The following SYNPR variants were observed in gnomAD, a reference collection of about 807,000 sequenced individuals.
SYNPR encodes synaptoporin.
A neutral mutation model predicts 32.9 loss-of-function variants in SYNPR; 23 were observed. That is an observed-to-expected ratio of 0.70 (90% confidence interval 0.50 to 0.99). The LOEUF (loss-of-function observed/expected upper bound fraction) is 0.99. Among genes scored for constraint, SYNPR ranks in the 50% least tolerant of loss-of-function variants. The probability of loss-of-function intolerance (pLI) is 0.00; values close to 1 mark genes in which losing one functional copy is unlikely to be tolerated. For synonymous variants in SYNPR, 146 were observed against 135.9 expected (o/e 1.07, Z -0.52); for missense variants, 318 against 349.3 (o/e 0.91, Z 0.71).
intron 2 of SYNPR, among the ~76,000 whole-genome samples, chr3:63,324,869 A>G (rs934253029): frequency 6.6e-6 from 1 of 152,072 alleles, no homozygotes; most frequent in Non-Finnish European, 1.5e-5. Flanking sequence ...ACTGTTCTAC[A>G]CGGACCTCAG....
At chr3:63,393,361 C>A (rs905160647) in intron 2 of SYNPR, among the ~76,000 whole-genome samples, 1 of 152,242 alleles carries the variant, frequency 6.6e-6, no homozygotes, top group African/African-American at 2.4e-5. Context: ...CATAGGTCTC[C>A]AAAGTAGCTG....
intron 2 of SYNPR, among the ~76,000 whole-genome samples, chr3:63,313,002 T>C (rs189935629): frequency 8.8e-4 from 134 of 152,144 alleles, no homozygotes; most frequent in East Asian, 6.4e-3. Context: ...ACAGAAACTA[T>C]TGGATTCTAG....
chr3:63,611,094 T>A (rs1460147888), intron 5 of SYNPR, among the ~76,000 whole-genome samples: 1 of 152,210 alleles, frequency 6.6e-6, no homozygotes, highest in Non-Finnish European at 1.5e-5. Flanking sequence ...CCACTTCTGG[T>A]ACCAATGTTT....
chr3:63,560,874 A>G (rs1156657592), intron 4 of SYNPR, among the ~76,000 whole-genome samples: 3 of 152,196 alleles, frequency 2.0e-5, no homozygotes, highest in Non-Finnish European at 4.4e-5. Flanking sequence ...ATTACAATTC[A>G]AGATGAGATT....
chr3:63,253,640 T>G (rs1313437356), intron 2 of SYNPR, among the ~76,000 whole-genome samples: 1 of 152,152 alleles, frequency 6.6e-6, no homozygotes, highest in African/African-American at 2.4e-5. Flanking sequence ...CCAGTTAGAA[T>G]GGCGATCATT....
At chr3:63,441,200 T>A (rs1376994443) in intron 2 of SYNPR, among the ~76,000 whole-genome samples, 1 of 152,204 alleles carries the variant, frequency 6.6e-6, no homozygotes, top group East Asian at 1.9e-4. Context: ...CGTAGTTTTG[T>A]AAGGCTCAAA....
At chr3:63,374,067 T>A (rs1368421603) in intron 2 of SYNPR, among the ~76,000 whole-genome samples, 1 of 152,236 alleles carries the variant, frequency 6.6e-6, no homozygotes, top group Non-Finnish European at 1.5e-5. Context: ...ACCTTACAAG[T>A]TTCCAAAGTA....
At chr3:63,251,884 C>T (rs976164288) in intron 1 of SYNPR, among the ~76,000 whole-genome samples, 4 of 151,862 alleles carry the variant, frequency 2.6e-5, no homozygotes, top group Admixed American at 1.3e-4. Flanking sequence ...ACACAGATCA[C>T]GTTTTGACTA....
the SYNPR span, among the ~76,000 whole-genome samples, chr3:63,211,543 T>C: frequency 2.0e-5 from 3 of 152,188 alleles, no homozygotes. Flanking sequence ...AGTTGTTCTC[T>C]CCTCTAGTTT....
the SYNPR span, among the ~76,000 whole-genome samples, chr3:63,210,899 C>T: frequency 1.3e-5 from 2 of 151,698 alleles, no homozygotes; most frequent in Admixed American, 1.3e-4. Flanking sequence ...AGTTGAATAT[C>T]ACTTTGGGCA....
chr3:63,305,132 G>A (rs1345449069), intron 2 of SYNPR, among the ~76,000 whole-genome samples: 1 of 151,944 alleles, frequency 6.6e-6, no homozygotes, highest in African/African-American at 2.4e-5. Context: ...AGAGGCTCAT[G>A]AGGCAAAAGA....
chr3:63,255,067 G>A (rs1187798574), intron 2 of SYNPR, among the ~76,000 whole-genome samples: 2 of 152,124 alleles, frequency 1.3e-5, no homozygotes, highest in African/African-American at 4.8e-5. Flanking sequence ...ATGGTACTTT[G>A]TTATGGCAGC....
At chr3:63,397,463 A>C (rs1191147404) in intron 2 of SYNPR, among the ~76,000 whole-genome samples, 2 of 152,068 alleles carry the variant, frequency 1.3e-5, no homozygotes, top group Admixed American at 6.5e-5. Flanking sequence ...TTATTCCCTT[A>C]CTTCTTTTTT....
chr3:63,274,411 C>G (rs2086559035), upstream of SYNPR, among the ~76,000 whole-genome samples: 1 of 151,924 alleles, frequency 6.6e-6, no homozygotes, highest in South Asian at 2.1e-4. Context: ...GTATATTTTC[C>G]TATGAGAACA....
At chr3:63,521,144 C>T (rs1026628295) in intron 3 of SYNPR, among the ~76,000 whole-genome samples, 20 of 152,184 alleles carry the variant, frequency 1.3e-4, no homozygotes, top group African/African-American at 1.4e-4. Flanking sequence ...GGGCACTAGA[C>T]CCCTTGAAGA....
chr3:63,253,139 T>A (rs540151443), intron 2 of SYNPR, among the ~76,000 whole-genome samples: 1 of 152,118 alleles, frequency 6.6e-6, no homozygotes, highest in Non-Finnish European at 1.5e-5. Flanking sequence ...GTTTTTAGAG[T>A]TTATGGCACA....
At chr3:63,535,005 A>C (rs1054897787) in intron 3 of SYNPR, among the ~76,000 whole-genome samples, 4 of 152,164 alleles carry the variant, frequency 2.6e-5, no homozygotes, top group African/African-American at 9.7e-5. Flanking sequence ...ACAAACAGCC[A>C]ATCATATCAG....
chr3:63,202,437 A>G, the SYNPR span, among the ~76,000 whole-genome samples: 1 of 152,134 alleles, frequency 6.6e-6, no homozygotes, highest in East Asian at 1.9e-4. Context: ...AGGGGAAGGG[A>G]GATTTGAGCT....
intron 3 of SYNPR, among the ~76,000 whole-genome samples, chr3:63,540,799 T>A (rs950099500): frequency 6.6e-6 from 1 of 151,728 alleles, no homozygotes; most frequent in Non-Finnish European, 1.5e-5. Context: ...ACAGAAGACA[T>A]GTGTTATTTC....
Sources: gnomAD v4.1 joint callset for allele counts (sites outside exome capture counted in the v4.1 genomes callset) on GRCh38, gnomAD v4.1.1 for gene constraint, MANE v1.5 for transcripts, NCBI Gene and HGNC (gene_info 2026-07-23, HGNC 2026-07-21) for gene names.